The following FAT3 variants were observed in gnomAD, a reference collection of about 807,000 sequenced individuals.
FAT3 encodes protocadherin Fat 3.
FAT3 carries 95 observed loss-of-function variants against 310.2 expected under a neutral mutation model. The ratio of observed to expected loss-of-function variants is 0.31; its 90% CI spans 0.26 to 0.36. The LOEUF is 0.36. FAT3 is among the 10% of genes least tolerant of loss of function. The probability of loss-of-function intolerance (pLI) is 1.00; values close to 1 mark genes in which losing one functional copy is unlikely to be tolerated. For synonymous variants in FAT3, 2,314 were observed against 2,192.9 expected (o/e 1.06, Z -1.54); for missense variants, 5,408 against 5,715.6 (o/e 0.95, Z 1.74).
chr11:92,633,036 T>C (rs1941614886), intron 3 of FAT3, among the ~76,000 whole-genome samples: 2 of 152,344 alleles, frequency 1.3e-5, no homozygotes, highest in Admixed American at 1.3e-4. Context: ...CATGGTGTTA[T>C]AATTTACTGT....
chr11:92,305,019 A>C (rs1243859954), intron 1 of FAT3, among the ~76,000 whole-genome samples: 1 of 152,102 alleles, frequency 6.6e-6, no homozygotes, highest in Non-Finnish European at 1.5e-5. Flanking sequence ...TTTGTAACAA[A>C]AGTCACCCAT....
chr11:92,438,743 A>T (rs1951003319), intron 2 of FAT3, among the ~76,000 whole-genome samples: 1 of 152,200 alleles, frequency 6.6e-6, no homozygotes, highest in African/African-American at 2.4e-5. Context: ...GTAAGAAAAG[A>T]GAGAAGACCA....
intron 2 of FAT3, among the ~76,000 whole-genome samples, chr11:92,438,504 G>A (rs1332725248): frequency 1.3e-5 from 2 of 152,194 alleles, no homozygotes; most frequent in East Asian, 3.9e-4. Context: ...GTAGTATTAC[G>A]TACACTCACA....
intron 4 of FAT3, among the ~76,000 whole-genome samples, chr11:92,747,641 C>A (rs1207302421): frequency 6.6e-6 from 1 of 152,212 alleles, no homozygotes; most frequent in Non-Finnish European, 1.5e-5. Flanking sequence ...TGTTAGGCTG[C>A]AAAATTTCCA....
intron 2 of FAT3, among the ~76,000 whole-genome samples, chr11:92,442,374 A>G (rs1032257684): frequency 5.3e-5 from 8 of 150,788 alleles, no homozygotes; most frequent in Non-Finnish European, 8.9e-5. Flanking sequence ...CGGCCTCCCA[A>G]AGTGCTGGGA....
rs1591764604 is a variant in FAT3, at chr11:92,809,927, G to A, written c.9332G>A (p.Arg3111Lys). Residue 3111 changes from arginine (R) to lysine (K), a missense_variant, in exon 13 of 28, where the codon AGG (arginine) becomes AAG (lysine). Arg to Lys is a conservative substitution (Grantham distance 26). This residue lies in a region of FAT3 where 4,588 missense variants were observed against 4,809.8 expected (regional missense o/e 0.95). Coordinates refer to ENST00000525166, the MANE Select transcript of FAT3 (RefSeq NM_001367949.2). ...GCCAAGGCCACTGACGGGGGTGGCA[G>A]GTTCTGCCAGTCCAACATCCACCTA... ...LMAKATDGGG[R>K]FCQSNIHLIL... 2 of 1,613,918 alleles carry A rather than the reference G, an allele frequency of 1.2e-6. No homozygotes were observed. The highest frequency in any genetic ancestry group is 8.5e-7 in the Non-Finnish European group (1 of 1,179,766).
Position 92,835,043 on chromosome 11 carries a change from G to A in FAT3, c.10045G>A (p.Val3349Ile), listed in dbSNP as rs548763904. 2 of 1,613,556 alleles carry A rather than the reference G, an allele frequency of 1.2e-6. No individual in the cohort carries two copies. Among genetic ancestry groups the A allele is most frequent in the Non-Finnish European group, 1.7e-6 (2 of 1,179,740 alleles). The change falls in exon 15 of 28, where the codon GTT becomes ATT. Residue 3349 changes from valine (V) to isoleucine (I), a missense_variant. By Grantham distance (29) the Val-to-Ile change is conservative. This residue lies in a region of FAT3 where 4,588 missense variants were observed against 4,809.8 expected (regional missense o/e 0.95). Transcript: ENST00000525166. ...GTTCAGCCAAGACGTCTACAGTGCG[G>A]TTATCAGTGAAGACGCCTTGGTGGG... ...PKFSQDVYSA[V>I]ISEDALVGDS...
At chr11:92,374,650 G>A (rs1949292634) in intron 2 of FAT3, among the ~76,000 whole-genome samples, 1 of 152,150 alleles carries the variant, frequency 6.6e-6, no homozygotes, top group Non-Finnish European at 1.5e-5. Context: ...CATAGAAGTA[G>A]CCTGTTTAAA....
chr11:92,792,114 T>C (rs998080870), intron 8 of FAT3, among the ~76,000 whole-genome samples: 3 of 152,182 alleles, frequency 2.0e-5, no homozygotes, highest in Admixed American at 6.5e-5. Context: ...TGTTACCTTT[T>C]TCAGCAAGCT....
intron 1 of FAT3, among the ~76,000 whole-genome samples, chr11:92,338,988 T>A (rs1256800598): frequency 6.6e-6 from 1 of 152,168 alleles, no homozygotes; most frequent in African/African-American, 2.4e-5. Context: ...TGGAACATGA[T>A]CCCCAGAACC....
rs772447684 is a variant in FAT3 at position 92,761,936 on chromosome 11, C to T, written c.3750C>T (p.Asn1250=). Residue 1250 remains asparagine (N), a synonymous_variant, in exon 5 of 28, where the codon AAC becomes AAT. Transcript: ENST00000525166. ...TTCAGGTTCTAGATGAAAATGACAA[C>T]AAGCCCCAGTTCCCAGAGAAGGTCT... The part of the protein sequence containing the change: ...VVVQVLDEND[N]KPQFPEKVYQ... 3 of 1,613,926 alleles carry T rather than the reference C, an allele frequency of 1.9e-6. No homozygotes were observed. Among genetic ancestry groups the T allele is most frequent in the South Asian group, 2.2e-5 (2 of 91,082 alleles).
intron 2 of FAT3, among the ~76,000 whole-genome samples, chr11:92,505,951 T>C (rs1050229710): frequency 2.4e-4 from 37 of 152,198 alleles, no homozygotes; most frequent in African/African-American, 7.9e-4. Context: ...GTCTGTCTAG[T>C]TGCGGGGTGG....
chr11:92,794,324 A>G (rs1222788460), intron 9 of FAT3, among the ~76,000 whole-genome samples: 3 of 152,118 alleles, frequency 2.0e-5, no homozygotes, highest in Non-Finnish European at 2.9e-5. Flanking sequence ...TATTCTTTCT[A>G]TGGTTTTTTC....
chr11:92,769,948 C>T (rs1185589215), intron 6 of FAT3, among the ~76,000 whole-genome samples: 1 of 152,196 alleles, frequency 6.6e-6, no homozygotes, highest in Non-Finnish European at 1.5e-5. Context: ...GTAGGACTAG[C>T]AGCAGCCTTG....
intron 1 of FAT3, among the ~76,000 whole-genome samples, chr11:92,243,595 G>C (rs1864758673): frequency 6.6e-6 from 1 of 151,972 alleles, no homozygotes; most frequent in African/African-American, 2.4e-5. Context: ...CTAGCAATCT[G>C]CTTTCTTGTT....
chr11:92,623,706 G>T (rs1351105799), intron 3 of FAT3, among the ~76,000 whole-genome samples: 1 of 152,154 alleles, frequency 6.6e-6, no homozygotes, highest in Non-Finnish European at 1.5e-5. Context: ...CACTTTGGGA[G>T]GCCAAGGCGG....
At chr11:92,255,341 T>TAA (rs201587803) in intron 1 of FAT3, among the ~76,000 whole-genome samples, 38 of 144,464 alleles carry the variant, frequency 2.6e-4, no homozygotes, top group East Asian at 1.8e-3. Context: ...GGTTTTTTTT[T>TAA]AAAAAAAAAA....
At chr11:92,244,395 CAT>C (rs1864807619) in intron 1 of FAT3, among the ~76,000 whole-genome samples, 1 of 152,096 alleles carries the variant, frequency 6.6e-6, no homozygotes, top group African/African-American at 2.4e-5. Flanking sequence ...TTGCACGAGA[CAT>C]ATTTTATCTG....
chr11:92,475,061 C>T (rs756143557), intron 2 of FAT3, among the ~76,000 whole-genome samples: 13 of 152,128 alleles, frequency 8.5e-5, no homozygotes, highest in Non-Finnish European at 1.8e-4. Context: ...GACACAATGG[C>T]GGTTTTGGTC....
Sources: allele counts gnomAD v4.1 joint callset (sites outside exome capture counted in the v4.1 genomes callset), GRCh38; gene constraint gnomAD v4.1.1; regional missense constraint gnomAD v4.1.1; transcripts MANE v1.5; gene names NCBI Gene and HGNC (gene_info 2026-07-23, HGNC 2026-07-21).